Variants in ROBO2 observed in about 807,000 individuals in gnomAD.
ROBO2 encodes the protein roundabout guidance receptor 2, also known as roundabout homolog 2.
A neutral mutation model predicts 160.8 loss-of-function variants in ROBO2; 53 were observed. That is an observed-to-expected ratio of 0.33 (90% CI 0.26 to 0.41). The LOEUF is 0.41. ROBO2 is among the 10% of genes least tolerant of loss of function. The probability of loss-of-function intolerance (pLI) is 1.00; values close to 1 mark genes in which losing one functional copy is unlikely to be tolerated. For missense variants in ROBO2, 1,577 were observed against 1,722.4 expected (o/e 0.92, Z 1.49); for synonymous variants, 664 against 611.7 (o/e 1.09, Z -1.26).
At chr3:77,134,957 C>T (rs1394040328) in intron 2 of ROBO2, among the ~76,000 whole-genome samples, 1 of 152,178 alleles carries the variant, frequency 6.6e-6, no homozygotes, top group Non-Finnish European at 1.5e-5. Context: ...GCCCACCCCC[C>T]GTTTGCTGCC....
chr3:77,028,775 C>CA (rs1257069931), intron 2 of ROBO2, among the ~76,000 whole-genome samples: 1 of 152,188 alleles, frequency 6.6e-6, no homozygotes, highest in Admixed American at 6.5e-5. Flanking sequence ...CCTATGCACA[C>CA]AGGACTTTTC....
intron 2 of ROBO2, among the ~76,000 whole-genome samples, chr3:76,489,712 A>G (rs966334765): frequency 3.3e-5 from 5 of 152,142 alleles, no homozygotes; most frequent in Admixed American, 3.3e-4. Flanking sequence ...TTTAACTTTT[A>G]CATATGTAAA....
At chr3:76,097,040 T>C (rs1576842075) in intron 2 of ROBO2, among the ~76,000 whole-genome samples, 1 of 152,098 alleles carries the variant, frequency 6.6e-6, no homozygotes, top group East Asian at 1.9e-4. Flanking sequence ...GCTACATTAC[T>C]CAGCAACATT....
chr3:76,853,594 A>G (rs1464944697), intron 2 of ROBO2, among the ~76,000 whole-genome samples: 2 of 152,126 alleles, frequency 1.3e-5, no homozygotes, highest in African/African-American at 4.8e-5. Flanking sequence ...ATAACCTATT[A>G]TGTTTATCAA....
chr3:76,399,156 A>G (rs1170984585), intron 2 of ROBO2, among the ~76,000 whole-genome samples: 2 of 151,942 alleles, frequency 1.3e-5, no homozygotes, highest in East Asian at 3.9e-4. Flanking sequence ...GAAGAATTAA[A>G]GAAACAAAAT....
intron 2 of ROBO2, among the ~76,000 whole-genome samples, chr3:76,230,845 A>G (rs139625929): frequency 0.018 from 2,768 of 152,180 alleles, 102 homozygotes; most frequent in East Asian, 0.14. Flanking sequence ...ATTAGGGTGA[A>G]CCCCTAATTC....
At chr3:76,498,713 T>C (rs1211275594) in intron 2 of ROBO2, among the ~76,000 whole-genome samples, 2 of 149,922 alleles carry the variant, frequency 1.3e-5, no homozygotes, top group African/African-American at 4.9e-5. Context: ...GACAGAGTCT[T>C]GCTCTGTCGC....
intron 2 of ROBO2, among the ~76,000 whole-genome samples, chr3:76,372,126 A>G (rs2076134526): frequency 6.6e-6 from 1 of 151,940 alleles, no homozygotes; most frequent in African/African-American, 2.4e-5. Flanking sequence ...TACAAATACA[A>G]TAAAATTGTA....
At position 76,550,044 on chromosome 3, in the gene ROBO2, T is replaced by C. The variant is rs577867707; in HGVS notation, c.110-547970T>C. ...ATAAGTAATAAACATCTGACTGTTA[T>C]TACAATATTCTTGATGTAGCTTCAG... On this transcript the variant is annotated intron_variant, in intron 2 of 26. Coordinates refer to the ROBO2 transcript ENST00000487694. 3.3e-5 allele frequency among the ~76,000 whole-genome samples: 5 copies of C among 152,374 alleles called. No individual in the cohort carries two copies. The South Asian group carries it at 8.3e-4, about 25-fold the overall frequency.
chr3:76,217,246 G>T (rs879349104), intron 2 of ROBO2, among the ~76,000 whole-genome samples: 17 of 152,148 alleles, frequency 1.1e-4, no homozygotes, highest in Middle Eastern at 3.4e-3. Flanking sequence ...ACATCACAAT[G>T]AAAAGAACTA....
rs368175289 is a variant in ROBO2, at chr3:76,046,521, G to T, written c.109+108919G>T. Among the ~76,000 whole-genome samples the T allele has an allele frequency of 6.3e-4, 95 of 151,596 alleles. 1 individual carries two copies. Among genetic ancestry groups the T allele is most frequent in the African/African-American group, 2.2e-3 (92 of 40,946 alleles). Reference sequence around the variant, plus strand: ...AAAATTAGCCGGGCGTGGTGGCAGCGCCTGCAGTCCCAGCTACTCGGGAGG... The same window carrying T: ...AAAATTAGCCGGGCGTGGTGGCAGCTCCTGCAGTCCCAGCTACTCGGGAGG... On this transcript the variant is annotated intron_variant, in intron 2 of 26. Transcript: ENST00000487694.
chr3:76,528,960 G>A lies in ROBO2; in HGVS notation c.110-569054G>A, dbSNP rs377361859. Reference sequence around the variant, plus strand: ...ATTCTGATAGGCCAAGTAGAAAGAGGTGGGAGAATTAGCAGTGAATTTACA... The same window carrying A: ...ATTCTGATAGGCCAAGTAGAAAGAGATGGGAGAATTAGCAGTGAATTTACA... On this transcript the variant is annotated intron_variant, in intron 2 of 26. Coordinates refer to the ROBO2 transcript ENST00000487694. Among the ~76,000 whole-genome samples the A allele has an allele frequency of 3.3e-4, 50 of 152,212 alleles. 1 individual carries two copies. The South Asian group carries it at 0.01, about 32-fold the overall frequency.
intron 16 of ROBO2, among the ~76,000 whole-genome samples, chr3:77,583,022 G>A (rs2093957218): frequency 6.6e-6 from 1 of 151,434 alleles, no homozygotes; most frequent in Non-Finnish European, 1.5e-5. Context: ...TGCACCTGTA[G>A]TCCCAGCTAC....
intron 2 of ROBO2, among the ~76,000 whole-genome samples, chr3:76,770,400 T>A (rs1354910630): frequency 1.3e-5 from 2 of 151,294 alleles, no homozygotes; most frequent in Non-Finnish European, 3.0e-5. Flanking sequence ...TTTTTCTAGA[T>A]GATCATAATT....
chr3:76,054,918 T>A (rs977059612), intron 2 of ROBO2, among the ~76,000 whole-genome samples: 1 of 152,142 alleles, frequency 6.6e-6, no homozygotes, highest in African/African-American at 2.4e-5. Flanking sequence ...TCTCTGGACA[T>A]ATCCTTAAGT....
At chr3:76,817,087 G>C (rs1260608283) in intron 2 of ROBO2, among the ~76,000 whole-genome samples, 1 of 152,074 alleles carries the variant, frequency 6.6e-6, no homozygotes, top group African/African-American at 2.4e-5. Context: ...TTGGGGACAA[G>C]GGAGGGATAG....
chr3:76,403,285 A>G (rs1395474676), intron 2 of ROBO2, among the ~76,000 whole-genome samples: 2 of 151,618 alleles, frequency 1.3e-5, no homozygotes, highest in African/African-American at 2.4e-5. Context: ...GATGCCAACA[A>G]TGAGTCTCTT....
rs146779648 is a variant in ROBO2 at position 77,467,281 on chromosome 3, T to C, written c.389-10133T>C. On this transcript the variant is annotated intron_variant, in intron 2 of 25. Coordinates refer to ENST00000461745, the Ensembl canonical transcript of ROBO2. ...AATTCAAATTTTGTATAAATATATG[T>C]AAAAGAGATTTAATAATTTAATTTT... is the stretch of plus-strand genomic sequence containing the variant. 2.8e-3 allele frequency among the ~76,000 whole-genome samples: 425 copies of C among 152,300 alleles called. 1 individual carries two copies. The highest frequency in any genetic ancestry group is 9.8e-3 in the African/African-American group (409 of 41,558).
intron 2 of ROBO2, among the ~76,000 whole-genome samples, chr3:77,284,037 A>C (rs2153375961): frequency 6.6e-6 from 1 of 152,302 alleles, no homozygotes; most frequent in Non-Finnish European, 1.5e-5. Flanking sequence ...TCATTCTTTA[A>C]ATATTGATGT....
Sources: gnomAD v4.1 joint callset for allele counts (sites outside exome capture counted in the v4.1 genomes callset) on GRCh38, gnomAD v4.1.1 for gene constraint, MANE v1.5 for transcripts, NCBI Gene and HGNC (gene_info 2026-07-23, HGNC 2026-07-21) for gene names.